The following SLC7A7 variants were observed in gnomAD, a reference collection of about 807,000 sequenced individuals.
The protein encoded by SLC7A7 is Y+L amino acid transporter 1.
In SLC7A7, 39 loss-of-function variants were observed where a neutral mutation model predicts 47.9. The ratio of observed to expected loss-of-function variants is 0.81; its 90% CI spans 0.63 to 1.06. SLC7A7 has a LOEUF of 1.06. SLC7A7 is among the 50% of genes least tolerant of loss of function. The pLI, the probability that SLC7A7 is intolerant of heterozygous loss-of-function variation, is 0.00. For missense variants in SLC7A7, 588 were observed against 632.0 expected (o/e 0.93, Z 0.75); for synonymous variants, 234 against 242.8 (o/e 0.96, Z 0.34).
chr14:22,779,847 T>C, intron 3 of SLC7A7, 79 bp downstream of exon 3: 2 of 1,292,632 alleles, frequency 1.5e-6, no homozygotes, highest in African/African-American at 1.5e-5. Flanking sequence ...AATGAGATAA[T>C]GCACAAAGAG....
rs2039346894 is a variant in SLC7A7, at chr14:22,813,169, G to T, written c.230C>A (p.Ala77Asp). 1 of 1,614,078 alleles carries T rather than the reference G, an allele frequency of 6.2e-7. No homozygotes were observed. Among genetic ancestry groups the T allele is most frequent in the African/African-American group, 1.3e-5 (1 of 74,922 alleles). Residue 77 changes from alanine (A) to aspartate (D), a missense_variant, in exon 2 of 10, where the codon GCT becomes GAT. By Grantham distance (126) the Ala-to-Asp change is moderately radical. Coordinates refer to ENST00000674313, the MANE Select transcript of SLC7A7 (RefSeq NM_003982.4). ...AAAGACGGAGAAGAGGCCCCCGACA[G>T]CCCAGATGACCAGAGAGAGACCAAA... Reference protein sequence around the residue: ...ASFGLSLVIWAVGGLFSVFGA... With the variant: ...ASFGLSLVIWDVGGLFSVFGA...
intron 2 of SLC7A7, among the ~76,000 whole-genome samples, chr14:22,799,583 T>C (rs2331769): frequency 0.79 from 119,329 of 150,932 alleles, 47,735 homozygotes; most frequent in Non-Finnish European, 0.86. Flanking sequence ...GCCTCCAGAG[T>C]AGCTGGGACT....
chr14:22,792,528 G>A (rs1485223409), intron 2 of SLC7A7, among the ~76,000 whole-genome samples: 1 of 152,028 alleles, frequency 6.6e-6, no homozygotes, highest in Non-Finnish European at 1.5e-5. Flanking sequence ...ACCAGCCTGG[G>A]CAACAAAGCA....
At chr14:22,784,358 G>A (rs1220045086) in intron 2 of SLC7A7, among the ~76,000 whole-genome samples, 6 of 152,130 alleles carry the variant, frequency 3.9e-5, no homozygotes, top group Non-Finnish European at 1.5e-5. Flanking sequence ...AGTGGCTCAC[G>A]CCTGTAATCC....
At chr14:22,788,508 G>A (rs79978587) in intron 2 of SLC7A7, among the ~76,000 whole-genome samples, 25 of 151,612 alleles carry the variant, frequency 1.6e-4, no homozygotes, top group Middle Eastern at 6.8e-3. Flanking sequence ...TTTGAGATCA[G>A]CCTGGCCAAC....
rs962144873 is a variant in SLC7A7 at position 22,774,244 on chromosome 14, A to T, written c.1245+110T>A. ...TACCTTTAATTTCAACACATTACTA[A>T]CGACCAAGTCCCAGGCAAAGGTTTC... is the stretch of plus-strand genomic sequence containing the variant. On this transcript the variant is annotated intron_variant, in intron 8 of 9. Transcript: ENST00000674313. 4.4e-6 allele frequency: 7 copies of T among 1,595,916 alleles called. No individual in the cohort carries two copies. The African/African-American group carries it at 8.1e-5, about 18-fold the overall frequency.
At chr14:22,779,359 A>G (rs959538437) in intron 3 of SLC7A7, among the ~76,000 whole-genome samples, 3 of 152,192 alleles carry the variant, frequency 2.0e-5, no homozygotes, top group African/African-American at 4.8e-5. Flanking sequence ...GGCAGCGTGC[A>G]TGGAAGTTAA....
Position 22,799,425 on chromosome 14 carries a change from T to C in SLC7A7, c.499+13475A>G, listed in dbSNP as rs576618641. On this transcript the variant is annotated intron_variant, in intron 2 of 9. Coordinates refer to ENST00000674313, the MANE Select transcript of SLC7A7 (RefSeq NM_003982.4). ...TCATCTCATCTGTTCCTGTGGTTTCTTTTTCTTTTTATTTTTTTCTTTCTT... is the reference window on the plus strand; with the variant it reads ...TCATCTCATCTGTTCCTGTGGTTTCCTTTTCTTTTTATTTTTTTCTTTCTT... 2.9e-4 allele frequency among the ~76,000 whole-genome samples: 41 copies of C among 142,640 alleles called. No individual in the cohort carries two copies. In the South Asian group the frequency reaches 8.7e-3, roughly 30 times the overall value. The allele number at this position is 142,640 out of a possible 152,430, so 93.6% of individuals were successfully genotyped here. A position where few individuals can be genotyped will look rare whatever the true frequency, so the allele number is the denominator to read the frequency against.
At chr14:22,800,575 G>C (rs1171398580) in intron 2 of SLC7A7, among the ~76,000 whole-genome samples, 1 of 152,198 alleles carries the variant, frequency 6.6e-6, no homozygotes, top group East Asian at 1.9e-4. Flanking sequence ...CTGCCCACGA[G>C]TCACCACGCT....
chr14:22,815,711 C>T (rs2039397694), upstream of SLC7A7: 1 of 452,578 alleles, frequency 2.2e-6, no homozygotes, highest in Admixed American at 2.4e-5. Flanking sequence ...GTATCTGTAG[C>T]CCTGGGGAAG....
Position 22,813,331 on chromosome 14 carries a change from C to G in SLC7A7, c.68G>C (p.Gly23Ala). 1 of 1,614,114 alleles carries G rather than the reference C, an allele frequency of 6.2e-7. No individual in the cohort carries two copies. Among genetic ancestry groups the G allele is most frequent in the South Asian group, 1.1e-5 (1 of 91,086 alleles). Residue 23 changes from glycine (G) to alanine (A), a missense_variant, in exon 2 of 10, where the codon GGG (glycine) becomes GCG (alanine). Transcript: ENST00000674313. ...PEVETSPLGD[G>A]ASPGPEQVKL... ...CACCTGCTCCGGCCCTGGGCTGGCC[C>G]CATCACCCAAAGGGGAGGTTTCCAC...
Position 22,778,873 on chromosome 14 carries a change from C to G in SLC7A7, c.690G>C (p.Leu230=). ...GSSFAVGDIA[L]ALYSALFSYS... is the part of the protein sequence containing the mutation. The stretch of plus-strand genomic sequence containing the variant: ...AGGAGAACAGAGCTGAGTACAGTGC[C>G]AGGGCAATGTCACCCACTGCAAATG... The change falls in exon 4 of 10, where the codon CTG becomes CTC. Residue 230 remains leucine, a synonymous_variant. Coordinates refer to ENST00000674313, the MANE Select transcript of SLC7A7 (RefSeq NM_003982.4). The G allele has an allele frequency of 6.2e-7, 1 of 1,614,164 alleles. No individual in the cohort carries two copies. Among genetic ancestry groups the G allele is most frequent in the South Asian group, 1.1e-5 (1 of 91,084 alleles).
At chr14:22,795,394 C>CTT (rs1566453688) in intron 2 of SLC7A7, among the ~76,000 whole-genome samples, 60 of 60,266 alleles carry the variant, frequency 1.0e-3, no homozygotes, top group South Asian at 3.1e-3. Context: ...TGCTTTCTTT[C>CTT]TTTCTTTCTT....
intron 2 of SLC7A7, among the ~76,000 whole-genome samples, chr14:22,795,775 G>T (rs923241579): frequency 1.3e-5 from 2 of 152,030 alleles, no homozygotes; most frequent in African/African-American, 2.4e-5. Context: ...GCCCGGCCTT[G>T]TTTTCTTAAT....
intron 4 of SLC7A7, among the ~76,000 whole-genome samples, chr14:22,777,622 T>C (rs17122349): frequency 0.067 from 10,201 of 152,188 alleles, 456 homozygotes; most frequent in African/African-American, 0.13. Flanking sequence ...AGTCATGCAG[T>C]TTCTGTCCGG....
At chr14:22,812,021 A>T (rs1441566220) in intron 2 of SLC7A7, among the ~76,000 whole-genome samples, 1 of 152,164 alleles carries the variant, frequency 6.6e-6, no homozygotes, top group Non-Finnish European at 1.5e-5. Context: ...AATTCACATG[A>T]AATAATATGA....
In SLC7A7 at chr14:22,792,812, T is replaced by C. The variant is rs546126687; in HGVS notation, c.500-12761A>G. Among the ~76,000 whole-genome samples the C allele has an allele frequency of 3.9e-3, 542 of 139,560 alleles. 7 individuals carry two copies. The highest frequency in any genetic ancestry group is 0.013 in the African/African-American group (511 of 38,160). 91.6% of individuals were successfully genotyped at this position (139,560 alleles called of 152,430 possible). A position where few individuals can be genotyped will look rare whatever the true frequency, so the allele number is the denominator to read the frequency against. On this transcript the variant is annotated intron_variant, in intron 2 of 9. Coordinates refer to ENST00000674313, the MANE Select transcript of SLC7A7 (RefSeq NM_003982.4). ...GGCGGAGGTTGCAGTGAGCCGAGAT[T>C]GCACCACTGCACTCCAGCCTGGATG...
At chr14:22,807,838 C>A (rs924189917) in intron 2 of SLC7A7, among the ~76,000 whole-genome samples, 1 of 152,176 alleles carries the variant, frequency 6.6e-6, no homozygotes, top group African/African-American at 2.4e-5. Context: ...GCGATACCTT[C>A]CTAAGCTATC....
At chr14:22,814,484 CA>C (rs369456265) in intron 1 of SLC7A7, among the ~76,000 whole-genome samples, 10 of 140,860 alleles carry the variant, frequency 7.1e-5, no homozygotes, top group African/African-American at 1.0e-4. Flanking sequence ...AACTCTGTCT[CA>C]AAAAAAAAAC....
Sources: allele counts gnomAD v4.1 joint callset (sites outside exome capture counted in the v4.1 genomes callset), GRCh38; gene constraint gnomAD v4.1.1; transcripts MANE v1.5; gene names NCBI Gene and HGNC (gene_info 2026-07-23, HGNC 2026-07-21).